LINGO2: variants seen among roughly 807,000 people sequenced by gnomAD.
LINGO2 encodes the protein leucine-rich repeat and immunoglobulin-like domain-containing nogo receptor-interacting protein 2.
LINGO2 carries 14 observed loss-of-function variants against 30.6 expected under a neutral mutation model. The observed-to-expected ratio is 0.46, with a 90% CI of 0.30 to 0.72. The LOEUF (loss-of-function observed/expected upper bound fraction) is 0.72. Among genes scored for constraint, LINGO2 ranks in the 30% least tolerant of loss-of-function variants. The pLI is 0.07. For missense variants in LINGO2, 729 were observed against 751.7 expected (o/e 0.97, Z 0.35); for synonymous variants, 317 against 288.5 (o/e 1.10, Z -1.00).
Position 28,147,355 on chromosome 9 carries a change from GA to G in LINGO2, c.-86-134951del. 1.3e-5 allele frequency among the ~76,000 whole-genome samples: 2 copies of G among 152,304 alleles called. No individual in the cohort carries two copies. The highest frequency in any genetic ancestry group is 1.3e-4 in the Admixed American group (2 of 15,302). ...CTCAGGCAAATTTGTAAAAAGTGGAGACCCTGCCTGCCAGGGAGGCATGTGG... is the reference window on the plus strand; with the variant it reads ...CTCAGGCAAATTTGTAAAAAGTGGAGCCCTGCCTGCCAGGGAGGCATGTGG... On this transcript the variant is annotated intron_variant, in intron 4 of 5. Transcript: ENST00000379992. This position sits in a 1 kb window ranked among gnomAD's most constrained non-coding sequence, Gnocchi z 4.7.
At chr9:28,594,384 T>C (rs1369738698) in intron 1 of LINGO2, among the ~76,000 whole-genome samples, 1 of 152,126 alleles carries the variant, frequency 6.6e-6, no homozygotes, top group Admixed American at 6.6e-5. Context: ...ACGTGGTTCA[T>C]TGCCTTCAAA....
At chr9:28,687,923 G>A in the LINGO2 span, among the ~76,000 whole-genome samples, 1 of 152,046 alleles carries the variant, frequency 6.6e-6, no homozygotes, top group Admixed American at 6.6e-5. Context: ...AAGCTTCCAG[G>A]TTATGAGCAA....
intron 5 of LINGO2, among the ~76,000 whole-genome samples, chr9:27,956,818 T>C (rs751905984): frequency 2.0e-5 from 3 of 152,156 alleles, no homozygotes; most frequent in Non-Finnish European, 4.4e-5. Flanking sequence ...TCTGGCCAGA[T>C]ATGGTGGCTC....
intron 4 of LINGO2, among the ~76,000 whole-genome samples, chr9:28,223,970 G>A (rs1195479746): frequency 6.6e-6 from 1 of 152,194 alleles, no homozygotes; most frequent in Non-Finnish European, 1.5e-5. Flanking sequence ...TGACTGGGTT[G>A]ATGTGTAAGT....
intron 4 of LINGO2, among the ~76,000 whole-genome samples, chr9:28,043,139 G>A (rs1452265748): frequency 6.6e-6 from 1 of 152,204 alleles, no homozygotes; most frequent in African/African-American, 2.4e-5. Flanking sequence ...CAACGAGACA[G>A]GTAGAAGATG....
chr9:28,507,296 A>T (rs1366915197), intron 1 of LINGO2, among the ~76,000 whole-genome samples: 1 of 151,852 alleles, frequency 6.6e-6, no homozygotes, highest in Admixed American at 6.6e-5. Flanking sequence ...AGTCTTCTGT[A>T]ACTATGTTAT....
the LINGO2 span, among the ~76,000 whole-genome samples, chr9:28,799,706 T>C: frequency 6.6e-6 from 1 of 152,132 alleles, no homozygotes; most frequent in East Asian, 1.9e-4. Context: ...TAATTCTTAC[T>C]ATGTCACAGA....
chr9:28,640,641 G>A (rs542292241), intron 1 of LINGO2, among the ~76,000 whole-genome samples: 143 of 151,102 alleles, frequency 9.5e-4, no homozygotes, highest in African/African-American at 3.2e-3. Flanking sequence ...TTGTGCATTC[G>A]TCACGTAGTT....
intron 1 of LINGO2, among the ~76,000 whole-genome samples, chr9:28,634,160 C>G (rs1827135872): frequency 6.6e-6 from 1 of 152,152 alleles, no homozygotes; most frequent in Non-Finnish European, 1.5e-5. Context: ...ACATTTAGGT[C>G]TTACTAGTTC....
intron 5 of LINGO2, among the ~76,000 whole-genome samples, chr9:27,993,209 C>G (rs1030423351): frequency 5.3e-5 from 8 of 151,876 alleles, no homozygotes; most frequent in African/African-American, 1.9e-4. Context: ...GGTAATTTTC[C>G]CCCCTCTTTT....
chr9:28,513,830 G>A (rs1018198949), intron 1 of LINGO2, among the ~76,000 whole-genome samples: 1 of 152,234 alleles, frequency 6.6e-6, no homozygotes, highest in Admixed American at 6.5e-5. Context: ...CTTCGTGAAT[G>A]TATGTATAGT....
At chr9:28,691,453 G>A in the LINGO2 span, among the ~76,000 whole-genome samples, 1 of 151,964 alleles carries the variant, frequency 6.6e-6, no homozygotes, top group African/African-American at 2.4e-5. Context: ...TTACTGTATT[G>A]GATCAAAAAT....
chr9:29,150,174 C>T, the LINGO2 span, among the ~76,000 whole-genome samples: 3 of 152,290 alleles, frequency 2.0e-5, no homozygotes, highest in Admixed American at 1.3e-4. Flanking sequence ...ATTCTGCCAA[C>T]ATTCATTGTC....
At chr9:28,740,307 T>A in the LINGO2 span, among the ~76,000 whole-genome samples, 1 of 151,970 alleles carries the variant, frequency 6.6e-6, no homozygotes, top group East Asian at 1.9e-4. Flanking sequence ...ACTTATTGAT[T>A]TTCTGTCTAG....
chr9:28,701,372 G>A, the LINGO2 span, among the ~76,000 whole-genome samples: 1 of 151,878 alleles, frequency 6.6e-6, no homozygotes, highest in Admixed American at 6.6e-5. Flanking sequence ...TTTTGGCCAT[G>A]GATATCCAGT....
At chr9:28,744,640 A>AT in the LINGO2 span, among the ~76,000 whole-genome samples, 1,015 of 113,732 alleles carry the variant, frequency 8.9e-3, 28 homozygotes, top group African/African-American at 0.032. Flanking sequence ...GTGTGTGTGT[A>AT]TTTTTTTTTT....
intron 2 of LINGO2, among the ~76,000 whole-genome samples, chr9:28,385,132 T>G (rs1000057025): frequency 1.3e-5 from 2 of 152,156 alleles, no homozygotes; most frequent in East Asian, 3.8e-4. Context: ...TGACCTCTAG[T>G]GAGATGCATT....
At chr9:28,419,403 T>C (rs1439620339) in intron 2 of LINGO2, among the ~76,000 whole-genome samples, 7 of 152,146 alleles carry the variant, frequency 4.6e-5, no homozygotes, top group Admixed American at 3.9e-4. Flanking sequence ...TTAGTAATAC[T>C]ATTGCCATTT....
the LINGO2 span, among the ~76,000 whole-genome samples, chr9:29,179,474 G>A: frequency 2.9e-4 from 44 of 151,848 alleles, no homozygotes; most frequent in East Asian, 3.9e-4. Flanking sequence ...GTGCAATCTC[G>A]GCTCACTGCA....
Sources: gnomAD v4.1 joint callset for allele counts (sites outside exome capture counted in the v4.1 genomes callset) on GRCh38, gnomAD v4.1.1 for gene constraint, Gnocchi (gnomAD v3.1) non-coding constraint, MANE v1.5 for transcripts, NCBI Gene and HGNC (gene_info 2026-07-23, HGNC 2026-07-21) for gene names.